Variants in DPP6 observed in about 807,000 individuals in gnomAD.
The protein encoded by DPP6 is A-type potassium channel modulatory protein DPP6.
A neutral mutation model predicts 122.6 loss-of-function variants in DPP6; 69 were observed. The ratio of observed to expected loss-of-function variants is 0.56; its 90% CI spans 0.46 to 0.69. The LOEUF (loss-of-function observed/expected upper bound fraction) is 0.69, where lower values mean the gene tolerates loss of function less well. Ranked by LOEUF, DPP6 falls within the 30% of genes least tolerant of loss-of-function variation. DPP6 has a pLI of 0.00. For synonymous variants in DPP6, 418 were observed against 433.1 expected (o/e 0.97, Z 0.43); for missense variants, 928 against 1,116.9 (o/e 0.83, Z 2.41).
chr7:154,658,991 G>T (rs1381276192), intron 6 of DPP6, among the ~76,000 whole-genome samples: 1 of 152,222 alleles, frequency 6.6e-6, no homozygotes, highest in African/African-American at 2.4e-5. Context: ...ATTCAGTAGG[G>T]GATTGGAGCA....
intron 10 of DPP6, among the ~76,000 whole-genome samples, chr7:154,782,588 C>T (rs189627269): frequency 2.0e-5 from 3 of 152,116 alleles, no homozygotes; most frequent in Admixed American, 6.5e-5. Flanking sequence ...AGTTAAATAG[C>T]GCTTGGAGTT....
rs779501891 is a variant in DPP6, at chr7:154,603,656, CAAAA to C, written c.628-34141_628-34138del. 4.4e-4 allele frequency among the ~76,000 whole-genome samples: 11 copies of C among 24,974 alleles called. 2 individuals carry two copies. Among genetic ancestry groups the C allele is most frequent in the Non-Finnish European group, 8.6e-4 (11 of 12,808 alleles). The allele number at this position is 24,974 out of a possible 152,430, so 16.4% of individuals were successfully genotyped here. ...GGGTGACGAGAGTGAAACTCTGTCTCAAAAAAAAAAAAAAAAAAAAAAAAAAATT... is the reference window on the plus strand; with the variant it reads ...GGGTGACGAGAGTGAAACTCTGTCTCAAAAAAAAAAAAAAAAAAAAAAATT... On this transcript the variant is annotated intron_variant, in intron 5 of 25. Coordinates refer to ENST00000377770, the MANE Select transcript of DPP6 (RefSeq NM_130797.4).
intron 3 of DPP6, among the ~76,000 whole-genome samples, chr7:154,533,464 C>T (rs1348565771): frequency 1.3e-5 from 2 of 152,160 alleles, no homozygotes; most frequent in African/African-American, 4.8e-5. Context: ...ACAAAGAAAA[C>T]TTCATGCCCA....
intron 1 of DPP6, among the ~76,000 whole-genome samples, chr7:154,343,363 C>T (rs778308055): frequency 2.0e-5 from 3 of 152,362 alleles, no homozygotes; most frequent in Admixed American, 6.5e-5. Context: ...ACTGCATCTT[C>T]GCAAGTGCAC....
intron 16 of DPP6, among the ~76,000 whole-genome samples, chr7:154,819,457 A>T (rs372605458): frequency 1.1e-4 from 16 of 152,150 alleles, no homozygotes; most frequent in East Asian, 5.8e-4. Context: ...TCAACTCAAT[A>T]AATAATGACT....
At chr7:154,400,784 T>A (rs1369846152) in intron 1 of DPP6, among the ~76,000 whole-genome samples, 2 of 152,252 alleles carry the variant, frequency 1.3e-5, no homozygotes, top group Non-Finnish European at 2.9e-5. Context: ...TGTATGACAT[T>A]TTATTATAAC....
At chr7:154,835,302 C>T (rs375075339) in intron 16 of DPP6, among the ~76,000 whole-genome samples, 33 of 152,112 alleles carry the variant, frequency 2.2e-4, no homozygotes, top group African/African-American at 7.7e-4. Flanking sequence ...AAGGACAAGC[C>T]GCGGACTGAT....
At chr7:153,984,842 T>C (rs1796764507) in intron 1 of DPP6, among the ~76,000 whole-genome samples, 1 of 152,250 alleles carries the variant, frequency 6.6e-6, no homozygotes, top group Non-Finnish European at 1.5e-5. Context: ...AGCTGTGATC[T>C]GTGGCGAGGA....
intron 1 of DPP6, among the ~76,000 whole-genome samples, chr7:154,412,958 C>G (rs868753948): frequency 1.3e-5 from 2 of 152,228 alleles, no homozygotes; most frequent in African/African-American, 4.8e-5. Flanking sequence ...AGGGAAATAC[C>G]TTGTGTTGCT....
chr7:154,630,607 A>T (rs1835347706), intron 5 of DPP6, among the ~76,000 whole-genome samples: 2 of 152,240 alleles, frequency 1.3e-5, no homozygotes, highest in Non-Finnish European at 2.9e-5. Context: ...ATGCAGCCAT[A>T]AAACAAATGA....
intron 1 of DPP6, among the ~76,000 whole-genome samples, chr7:154,281,633 A>G (rs1804522625): frequency 6.6e-6 from 1 of 152,214 alleles, no homozygotes; most frequent in Non-Finnish European, 1.5e-5. Flanking sequence ...AGAAGGCACT[A>G]GGAGATCTTA....
intron 1 of DPP6, among the ~76,000 whole-genome samples, chr7:154,212,149 TG>T: frequency 6.6e-6 from 1 of 152,244 alleles, no homozygotes; most frequent in African/African-American, 2.4e-5. Flanking sequence ...CTCCCATGCC[TG>T]CCTCTTCTCT....
intron 1 of DPP6, among the ~76,000 whole-genome samples, chr7:153,957,869 C>T (rs1300574631): frequency 6.6e-6 from 1 of 152,196 alleles, no homozygotes; most frequent in Non-Finnish European, 1.5e-5. Flanking sequence ...AGACTAGCTG[C>T]CCTAGAAAAA....
intron 1 of DPP6, among the ~76,000 whole-genome samples, chr7:153,970,728 A>T (rs1466767162): frequency 6.6e-6 from 1 of 152,166 alleles, no homozygotes; most frequent in Non-Finnish European, 1.5e-5. Context: ...CAGTTTGTTC[A>T]TGTTATGTTG....
chr7:154,564,575 C>T (rs1830622528), intron 4 of DPP6, among the ~76,000 whole-genome samples: 1 of 152,118 alleles, frequency 6.6e-6, no homozygotes, highest in African/African-American at 2.4e-5. Context: ...TCACTTCACC[C>T]GTGGATATCT....
chr7:154,125,364 A>C (rs1807800921), intron 1 of DPP6, among the ~76,000 whole-genome samples: 1 of 152,246 alleles, frequency 6.6e-6, no homozygotes, highest in African/African-American at 2.4e-5. Flanking sequence ...AGTGTAAAAC[A>C]AACATGTATA....
At chr7:154,680,000 G>T (rs947901093) in intron 7 of DPP6, among the ~76,000 whole-genome samples, 1 of 152,138 alleles carries the variant, frequency 6.6e-6, no homozygotes, top group African/African-American at 2.4e-5. Flanking sequence ...GTAATTAATA[G>T]GAATGGATGG....
chr7:154,766,067 A>G (rs568361219), intron 8 of DPP6, among the ~76,000 whole-genome samples: 107 of 152,358 alleles, frequency 7.0e-4, no homozygotes, highest in Admixed American at 1.6e-3. Flanking sequence ...TCATTATCAC[A>G]TTAATGAGCA....
At chr7:154,401,205 CA>C (rs200237363) in intron 1 of DPP6, among the ~76,000 whole-genome samples, 12,866 of 140,588 alleles carry the variant, frequency 0.092, 656 homozygotes, top group East Asian at 0.14. Flanking sequence ...TCAGAAAAAA[CA>C]AAAACAAAAA....
Sources: allele counts gnomAD v4.1 joint callset (sites outside exome capture counted in the v4.1 genomes callset), GRCh38; gene constraint gnomAD v4.1.1; transcripts MANE v1.5; gene names NCBI Gene and HGNC (gene_info 2026-07-23, HGNC 2026-07-21).